MAN1B1: variants seen among roughly 807,000 people sequenced by gnomAD.
The protein encoded by MAN1B1 is mannosidase alpha class 1B member 1, also known as endoplasmic reticulum mannosyl-oligosaccharide 1,2-alpha-mannosidase.
A neutral mutation model predicts 75.5 loss-of-function variants in MAN1B1; 66 were observed. That is an observed-to-expected ratio of 0.87 (90% CI 0.72 to 1.07). The LOEUF is 1.07. MAN1B1 is among the 50% of genes least tolerant of loss of function. The pLI is 0.00. For missense variants in MAN1B1, 973 were observed against 912.5 expected, an observed-to-expected ratio of 1.07 and a Z score of -0.85; for synonymous variants, 453 against 382.8, an observed-to-expected ratio of 1.18 and a Z score of -2.14.
chr9:137,103,104 G>T (rs1830936569), intron 8 of MAN1B1: 1 of 429,350 alleles, frequency 2.3e-6, no homozygotes. Flanking sequence ...GGTCGGTGGT[G>T]TTACACACAT....
At position 137,089,004 on chromosome 9, in the gene MAN1B1, A is replaced by C. The variant is rs747100771; in HGVS notation, c.464A>C (p.Gln155Pro). ...GAGAACTTACCTGAGATTTCGTCAC[A>C]GGTACTTTGAGCAAATGGTGTGGGG... ...DPENLPEISS[Q>P]KTQRHIQRGP... The change falls in exon 3 of 13, where the codon CAG becomes CCG. Residue 155 changes from glutamine to proline, a missense_variant and splice_region_variant. Coordinates refer to ENST00000371589, the MANE Select transcript of MAN1B1 (RefSeq NM_016219.5). The C allele has an allele frequency of 1.9e-6, 3 of 1,613,994 alleles. No homozygotes were observed. The South Asian group carries it at 3.3e-5, about 18-fold the overall frequency.
chr9:137,094,726 A>G (rs1830611261), intron 3 of MAN1B1, among the ~76,000 whole-genome samples: 1 of 151,976 alleles, frequency 6.6e-6, no homozygotes, highest in Non-Finnish European at 1.5e-5. Flanking sequence ...TAACAATACA[A>G]AAAATTAACC....
intron 1 of MAN1B1, among the ~76,000 whole-genome samples, chr9:137,087,841 C>T (rs549141749): frequency 6.5e-4 from 99 of 152,170 alleles, no homozygotes; most frequent in Non-Finnish European, 1.2e-3. Flanking sequence ...GAGGGAACTT[C>T]TCCCCATTCA....
chr9:137,099,483 C>T (rs1276633313), intron 5 of MAN1B1, among the ~76,000 whole-genome samples: 1 of 152,234 alleles, frequency 6.6e-6, no homozygotes, highest in Non-Finnish European at 1.5e-5. Flanking sequence ...CTCCAGAGGT[C>T]TCAGGCCCTT....
At position 137,088,184 on chromosome 9, in the gene MAN1B1, G is replaced by T. The variant is rs758508911; in HGVS notation, c.328+1G>T. ...ATCAACTTGGCTGACCATTGGAAAG[G>T]TATCAGAAACACGTGTACTTGAAAA... On this transcript the variant is annotated splice_donor_variant, in intron 2 of 12. Transcript: ENST00000371589. LOFTEE classifies it high-confidence loss of function. The T allele has an allele frequency of 2.5e-6, 4 of 1,614,118 alleles. No individual in the cohort carries two copies. The highest frequency in any genetic ancestry group is 3.4e-6 in the Non-Finnish European group (4 of 1,180,010).
chr9:137,098,446 T>G (rs1240169494), intron 5 of MAN1B1, among the ~76,000 whole-genome samples: 1 of 151,504 alleles, frequency 6.6e-6, no homozygotes, highest in East Asian at 2.0e-4. Flanking sequence ...CAGAGTCGTT[T>G]GCTTGTCTGT....
chr9:137,106,418 C>CAG, intron 9 of MAN1B1, 103 bp downstream of exon 9: 3 of 1,157,928 alleles, frequency 2.6e-6, no homozygotes, highest in East Asian at 2.6e-5. Flanking sequence ...CTGCTGCCCC[C>CAG]CGCCACACTG....
intron 1 of MAN1B1, 108 bp downstream of exon 1, chr9:137,087,326 C>T (rs537007436): frequency 2.9e-5 from 36 of 1,250,834 alleles, no homozygotes; most frequent in Admixed American, 9.3e-5. Flanking sequence ...TCCCCAGGCG[C>T]CGCCCTCTCC....
rs115211246 is a variant in MAN1B1 at position 137,104,720 on chromosome 9, G to A, written c.1255-1405G>A. ...GGTTGCTGTAAGCGCGGGTGCACAC[G>A]CCTGCCTGAGGCTGTGTTTTGGCCG... On this transcript the variant is annotated intron_variant, in intron 8 of 12. Coordinates refer to ENST00000371589, the MANE Select transcript of MAN1B1 (RefSeq NM_016219.5). The A allele has an allele frequency of 3.2e-3, 494 of 155,912 alleles. 12 individuals are homozygous for A. Among genetic ancestry groups the A allele is most frequent in the African/African-American group, 0.012 (461 of 39,934 alleles). 9.7% of individuals were successfully genotyped at this position (155,912 alleles called of 1,614,324 possible).
chr9:137,102,532 G>A (rs36170623), intron 8 of MAN1B1: 40 of 427,074 alleles, frequency 9.4e-5, no homozygotes, highest in African/African-American at 3.7e-4. Flanking sequence ...TGTTGCAGGC[G>A]TGCAGGTCGG....
chr9:137,090,456 A>C (rs1167458120), intron 3 of MAN1B1, among the ~76,000 whole-genome samples: 1 of 152,016 alleles, frequency 6.6e-6, no homozygotes, highest in African/African-American at 2.4e-5. Flanking sequence ...GCTGCTGCCC[A>C]CTGGCTAAGG....
At chr9:137,107,219 A>G in intron 10 of MAN1B1, 31 bp from the exon 11 acceptor site, 1 of 1,607,550 alleles carries the variant, frequency 6.2e-7, no homozygotes, top group Non-Finnish European at 8.5e-7. Flanking sequence ...AGGGCCTGGG[A>G]TCTGGGGCTG....
rs777725704 is a variant in MAN1B1, at chr9:137,088,283, ATG to A, written c.328+101_328+102del. The A allele has an allele frequency of 2.5e-6, 4 of 1,611,766 alleles. No homozygotes were observed. The South Asian group carries it at 4.4e-5, about 18-fold the overall frequency. On this transcript the variant is annotated intron_variant, in intron 2 of 12. Transcript: ENST00000371589. ...CCTTAAACAGCTCCAGGAGGCATAT[ATG>A]GCAACGAATTGGCAAGAAATCAAGA...
At chr9:137,098,743 C>T (rs1830726441) in intron 5 of MAN1B1, among the ~76,000 whole-genome samples, 1 of 152,112 alleles carries the variant, frequency 6.6e-6, no homozygotes, top group Non-Finnish European at 1.5e-5. Flanking sequence ...TGGTGGCTCA[C>T]ACTTGTAATC....
intron 7 of MAN1B1, 140 bp from the exon 8 acceptor site, chr9:137,101,344 C>G (rs1830804276): frequency 1.9e-6 from 2 of 1,078,462 alleles, no homozygotes; most frequent in Non-Finnish European, 2.8e-6. Flanking sequence ...GACATTCACT[C>G]AGTGCAGAGT....
At chr9:137,100,923 T>C in intron 6 of MAN1B1, 82 bp from the exon 7 acceptor site, 1 of 1,538,030 alleles carries the variant, frequency 6.5e-7, no homozygotes, top group Non-Finnish European at 9.0e-7. Context: ...CCCAGCCAAA[T>C]GTATTTTGAA....
chr9:137,092,235 A>G (rs534691866), intron 3 of MAN1B1, among the ~76,000 whole-genome samples: 1 of 152,062 alleles, frequency 6.6e-6, no homozygotes, highest in African/African-American at 2.4e-5. Flanking sequence ...CGACATGCCT[A>G]TAGTCCCAGC....
chr9:137,100,885 G>A, intron 6 of MAN1B1, 120 bp from the exon 7 acceptor site: 1 of 1,128,700 alleles, frequency 8.9e-7, no homozygotes, highest in East Asian at 2.5e-5. Flanking sequence ...CTCCCAAAGT[G>A]CTGGGATTAC....
chr9:137,101,346 G>T, intron 7 of MAN1B1, 138 bp from the exon 8 acceptor site: 1 of 1,089,532 alleles, frequency 9.2e-7, no homozygotes, highest in Non-Finnish European at 1.4e-6. Flanking sequence ...CATTCACTCA[G>T]TGCAGAGTGA....
Sources: allele counts gnomAD v4.1 joint callset (sites outside exome capture counted in the v4.1 genomes callset), GRCh38; gene constraint gnomAD v4.1.1; transcripts MANE v1.5; gene names NCBI Gene and HGNC (gene_info 2026-07-23, HGNC 2026-07-21).